UHRF2: variants seen among roughly 807,000 people sequenced by gnomAD.
The protein encoded by UHRF2 is ubiquitin like with PHD and ring finger domains 2.
In UHRF2, 23 loss-of-function variants were observed where a neutral mutation model predicts 96.8. That is an observed-to-expected ratio of 0.24 (90% CI 0.17 to 0.34). The LOEUF is 0.34. Among genes scored for constraint, UHRF2 ranks in the 10% least tolerant of loss-of-function variants. The pLI is 1.00. For synonymous variants in UHRF2, 385 were observed against 332.6 expected (o/e 1.16, Z -1.72); for missense variants, 685 against 981.5 (o/e 0.70, Z 4.04).
chr9:6,481,830 ATAG>A, intron 7 of UHRF2, 64 bp downstream of exon 7: 1 of 1,554,988 alleles, frequency 6.4e-7, no homozygotes, highest in Non-Finnish European at 8.7e-7. Flanking sequence ...TTTAATACCA[ATAG>A]TAGTAATGGT....
chr9:6,468,936 T>C (rs992565038), intron 4 of UHRF2, among the ~76,000 whole-genome samples: 1 of 152,322 alleles, frequency 6.6e-6, no homozygotes, highest in South Asian at 2.1e-4. Flanking sequence ...GGTTGAACTT[T>C]CCTTTATATA....
chr9:6,452,580 G>C (rs1821937358), intron 3 of UHRF2, among the ~76,000 whole-genome samples: 2 of 152,136 alleles, frequency 1.3e-5, no homozygotes, highest in Non-Finnish European at 2.9e-5. Flanking sequence ...TCTGAGAAAG[G>C]TAGATTTTAA....
At chr9:6,486,293 CAAG>C (rs949192828) in intron 8 of UHRF2, among the ~76,000 whole-genome samples, 5 of 152,094 alleles carry the variant, frequency 3.3e-5, no homozygotes, top group African/African-American at 1.2e-4. Flanking sequence ...AGTGGAAGTA[CAAG>C]AAGATGGATT....
intron 4 of UHRF2, among the ~76,000 whole-genome samples, chr9:6,469,705 C>CACATATATACATAT (rs1554630050): frequency 1.4e-5 from 2 of 147,772 alleles, no homozygotes; most frequent in African/African-American, 5.0e-5. Context: ...TATATACATA[C>CACATATATACATAT]ATATACACAC....
intron 8 of UHRF2, among the ~76,000 whole-genome samples, chr9:6,486,539 T>C (rs13291887): frequency 0.031 from 4,752 of 152,296 alleles, 97 homozygotes; most frequent in Middle Eastern, 0.071. Flanking sequence ...TATTTACTAG[T>C]TATTGTGCAA....
chr9:6,475,962 A>C (rs1230447697), intron 5 of UHRF2, among the ~76,000 whole-genome samples: 1 of 152,118 alleles, frequency 6.6e-6, no homozygotes, highest in African/African-American at 2.4e-5. Context: ...CGTGCTTCTG[A>C]ATACTAGATT....
intron 3 of UHRF2, among the ~76,000 whole-genome samples, chr9:6,453,249 A>AG (rs1182253236): frequency 6.6e-6 from 1 of 152,172 alleles, no homozygotes; most frequent in African/African-American, 2.4e-5. Flanking sequence ...AACTTTGTTG[A>AG]GGTTCTCTAC....
intron 3 of UHRF2, among the ~76,000 whole-genome samples, chr9:6,435,651 G>T (rs1345842339): frequency 6.6e-6 from 1 of 152,086 alleles, no homozygotes; most frequent in African/African-American, 2.4e-5. Context: ...CTGTCACCCA[G>T]GCTGGAGTTC....
At position 6,421,090 on chromosome 9, in the gene UHRF2, C is replaced by T; in HGVS notation, c.332C>T (p.Pro111Leu). 1 of 1,614,148 alleles carries T rather than the reference C, an allele frequency of 6.2e-7. No homozygotes were observed. Among genetic ancestry groups the T allele is most frequent in the Non-Finnish European group, 8.5e-7 (1 of 1,180,026 alleles). ...CCGAGGGTAGGACCTTCCAATCAGC[C>T]ATCTACATCAGCTCGTGCCCGTCTT... Reference protein sequence around the residue: ...KAPRVGPSNQPSTSARARLID... With the variant: ...KAPRVGPSNQLSTSARARLID... The change falls in exon 2 of 16, where the codon CCA becomes CTA. Residue 111 changes from proline (P) to leucine (L), a missense_variant. Pro to Leu is a moderately conservative substitution (Grantham distance 98). Around this residue, in one of 6 missense-constraint regions of UHRF2, gnomAD observed 391 missense variants for 437.0 expected, o/e 0.89. Coordinates refer to ENST00000276893, the MANE Select transcript of UHRF2 (RefSeq NM_152896.3).
intron 11 of UHRF2, 70 bp from the exon 12 acceptor site, chr9:6,497,948 T>C: frequency 1.3e-6 from 2 of 1,554,732 alleles, no homozygotes; most frequent in South Asian, 1.2e-5. Context: ...AAGATTATTT[T>C]GATACCACTA....
intron 3 of UHRF2, among the ~76,000 whole-genome samples, chr9:6,456,920 A>G (rs978389372): frequency 6.6e-6 from 1 of 152,060 alleles, no homozygotes; most frequent in South Asian, 2.1e-4. Context: ...GTAGCCTTGT[A>G]TAGTTTGAAG....
chr9:6,439,277 C>T (rs1046440891), intron 3 of UHRF2, among the ~76,000 whole-genome samples: 4 of 152,228 alleles, frequency 2.6e-5, no homozygotes, highest in African/African-American at 7.2e-5. Flanking sequence ...TTCTGTCTCC[C>T]GGGTTCAAAC....
intron 12 of UHRF2, chr9:6,499,289 A>T (rs1418491359): frequency 7.0e-6 from 1 of 142,992 alleles, no homozygotes; most frequent in East Asian, 2.1e-4. Flanking sequence ...AAACATAAGG[A>T]TGATAGATAG....
chr9:6,418,174 A>G (rs939382976), intron 1 of UHRF2, among the ~76,000 whole-genome samples: 10 of 151,798 alleles, frequency 6.6e-5, no homozygotes, highest in South Asian at 2.1e-4. Flanking sequence ...GAGAATGTCA[A>G]AATGATGGTG....
intron 4 of UHRF2, among the ~76,000 whole-genome samples, chr9:6,464,017 T>G (rs1213175298): frequency 6.6e-6 from 1 of 152,174 alleles, no homozygotes; most frequent in African/African-American, 2.4e-5. Flanking sequence ...ATCTTCAACT[T>G]GAGTAGATAG....
intron 15 of UHRF2, 48 bp downstream of exon 15, chr9:6,504,739 C>G (rs1816494260): frequency 6.9e-7 from 1 of 1,450,558 alleles, no homozygotes; most frequent in South Asian, 1.2e-5. Context: ...TGAAGGCACA[C>G]TAATTTCTAT....
At chr9:6,447,429 T>C (rs1045811725) in intron 3 of UHRF2, among the ~76,000 whole-genome samples, 2 of 152,168 alleles carry the variant, frequency 1.3e-5, no homozygotes, top group Admixed American at 6.5e-5. Context: ...GATGGAAATA[T>C]GCATACCTAG....
At chr9:6,434,890 A>G (rs1019912412) in intron 3 of UHRF2, among the ~76,000 whole-genome samples, 5 of 151,828 alleles carry the variant, frequency 3.3e-5, no homozygotes, top group East Asian at 3.9e-4. Context: ...GAGTACAGCA[A>G]TGTGATCCTG....
In UHRF2 at chr9:6,413,534, C is replaced by G; in HGVS notation, c.44C>G (p.Thr15Ser). The change falls in exon 1 of 16, where the codon ACC (threonine) becomes AGC (serine). Residue 15 changes from threonine to serine, a missense_variant. Transcript: ENST00000276893. ...ACCATTGATGGCTCCAAGACGTGCACCATTGAGGACGTGTCTCGCAAAGCC... is the reference window on the plus strand; with the variant it reads ...ACCATTGATGGCTCCAAGACGTGCAGCATTGAGGACGTGTCTCGCAAAGCC... ...VRTIDGSKTC[T>S]IEDVSRKATI... The G allele has an allele frequency of 6.3e-7, 1 of 1,594,732 alleles. No individual in the cohort carries two copies. Among genetic ancestry groups the G allele is most frequent in the Non-Finnish European group, 8.5e-7 (1 of 1,171,610 alleles).
Sources: allele counts gnomAD v4.1 joint callset (sites outside exome capture counted in the v4.1 genomes callset), GRCh38; gene constraint gnomAD v4.1.1; regional missense constraint gnomAD v4.1.1; transcripts MANE v1.5; gene names NCBI Gene and HGNC (gene_info 2026-07-23, HGNC 2026-07-21).